The following UTP20 variants were observed in gnomAD, a reference collection of about 807,000 sequenced individuals.
UTP20 encodes UTP20 small subunit processome component.
Under a neutral mutation model 329.5 loss-of-function variants are expected in UTP20, and 164 were observed. The ratio of observed to expected loss-of-function variants is 0.50; its 90% CI spans 0.44 to 0.57. The LOEUF is 0.57. UTP20 is among the 20% of genes least tolerant of loss of function. The probability of loss-of-function intolerance (pLI) is 0.00; values close to 1 mark genes in which losing one functional copy is unlikely to be tolerated. For missense variants in UTP20, 3,055 were observed against 3,284.2 expected, an observed-to-expected ratio of 0.93 and a Z score of 1.71; for synonymous variants, 1,151 against 1,159.3, an observed-to-expected ratio of 0.99 and a Z score of 0.14.
chr12:101,364,461 A>G (rs1423368217), intron 45 of UTP20, among the ~76,000 whole-genome samples: 1 of 152,180 alleles, frequency 6.6e-6, no homozygotes, highest in African/African-American at 2.4e-5. Flanking sequence ...AAGAAAATTC[A>G]GGCTTGGAAA....
intron 21 of UTP20, among the ~76,000 whole-genome samples, chr12:101,316,691 GT>G (rs1165472905): frequency 6.6e-6 from 1 of 152,162 alleles, no homozygotes. Context: ...CATCCAATCA[GT>G]TTCCTAGCAT....
At chr12:101,337,664 C>G (rs933068226) in intron 29 of UTP20, among the ~76,000 whole-genome samples, 3 of 152,148 alleles carry the variant, frequency 2.0e-5, no homozygotes, top group African/African-American at 4.8e-5. Context: ...AAGCTTATAA[C>G]TGAAAAGTAG....
chr12:101,386,181 T>G lies in UTP20; in HGVS notation c.*58T>G. The stretch of plus-strand genomic sequence containing the variant: ...CTGGAATATTCTGCTAGTCTGAAAT[T>G]ACAGTAGGTTGTCTGGGGTAGGGGG... On this transcript the variant is annotated 3_prime_UTR_variant, in exon 62 of 62. Coordinates refer to ENST00000261637, the MANE Select transcript of UTP20 (RefSeq NM_014503.3). The G allele has an allele frequency of 6.6e-7, 1 of 1,522,596 alleles. No homozygotes were observed. Among genetic ancestry groups the G allele is most frequent in the South Asian group, 1.2e-5 (1 of 80,348 alleles). The allele number at this position is 1,522,596 out of a possible 1,614,324, so 94.3% of individuals were successfully genotyped here. A position where few individuals can be genotyped will look rare whatever the true frequency, so the allele number is the denominator to read the frequency against.
intron 57 of UTP20, among the ~76,000 whole-genome samples, chr12:101,380,765 A>G (rs373577396): frequency 1.9e-4 from 28 of 151,222 alleles, no homozygotes; most frequent in African/African-American, 6.1e-4. Context: ...TTGGGAGGCT[A>G]AGGCAGGAGA....
chr12:101,288,124 G>C (rs1872019348), intron 5 of UTP20, among the ~76,000 whole-genome samples: 1 of 152,182 alleles, frequency 6.6e-6, no homozygotes, highest in African/African-American at 2.4e-5. Flanking sequence ...GCACCTTTCT[G>C]ACTGAATTAG....
At chr12:101,352,930 T>A (rs1869584668) in intron 39 of UTP20, 117 bp from the exon 40 acceptor site, 1 of 491,060 alleles carries the variant, frequency 2.0e-6, no homozygotes, top group African/African-American at 2.0e-5. Context: ...TTGTTAAAAT[T>A]AAAAATACTA....
At chr12:101,284,701 TGA>T (rs1397161209) in intron 2 of UTP20, among the ~76,000 whole-genome samples, 1 of 152,112 alleles carries the variant, frequency 6.6e-6, no homozygotes, top group African/African-American at 2.4e-5. Context: ...ACAAAGTAAT[TGA>T]TACCATGTTA....
At chr12:101,331,913 C>T (rs924789735) in intron 27 of UTP20, among the ~76,000 whole-genome samples, 1 of 150,994 alleles carries the variant, frequency 6.6e-6, no homozygotes, top group South Asian at 2.1e-4. Context: ...ACATTCTGTG[C>T]TAGGGAAAAA....
At chr12:101,292,236 G>A (rs1872182672) in intron 10 of UTP20, 132 bp downstream of exon 10, 2 of 1,018,576 alleles carry the variant, frequency 2.0e-6, no homozygotes, top group Admixed American at 3.1e-5. Context: ...TAAGGAAATG[G>A]GAATTGCATG....
At position 101,321,174 on chromosome 12, in the gene UTP20, C is replaced by T. The variant is rs144927065; in HGVS notation, c.2915+237C>T. On this transcript the variant is annotated intron_variant, in intron 24 of 61. Coordinates refer to ENST00000261637, the MANE Select transcript of UTP20 (RefSeq NM_014503.3). ...GTGTTGTAAATATTATGTCATTTTC[C>T]TCTTCTTATTAATATAATGCCATAG... 2.3e-3 allele frequency among the ~76,000 whole-genome samples: 347 copies of T among 151,902 alleles called. 1 individual carries two copies. Among genetic ancestry groups the T allele is most frequent in the Non-Finnish European group, 4.0e-3 (272 of 67,924 alleles).
At chr12:101,309,240 C>CCTAAATAAT (rs1017616192) in intron 18 of UTP20, among the ~76,000 whole-genome samples, 4 of 152,264 alleles carry the variant, frequency 2.6e-5, no homozygotes, top group Non-Finnish European at 4.4e-5. Flanking sequence ...ACACCCCATC[C>CCTAAATAAT]CTAAATAATA....
At chr12:101,283,702 A>C (rs1422289960) in intron 2 of UTP20, among the ~76,000 whole-genome samples, 3 of 152,184 alleles carry the variant, frequency 2.0e-5, no homozygotes, top group Non-Finnish European at 4.4e-5. Flanking sequence ...ACAACAACAA[A>C]AAAATTTTAA....
intron 12 of UTP20, among the ~76,000 whole-genome samples, chr12:101,297,926 C>T (rs1872410946): frequency 6.6e-6 from 1 of 152,214 alleles, no homozygotes; most frequent in Non-Finnish European, 1.5e-5. Flanking sequence ...TCTTCCACTT[C>T]TGTGTTTCTT....
In UTP20 at chr12:101,299,687, A is replaced by T. The variant is rs201256747; in HGVS notation, c.1436A>T (p.Tyr479Phe). Residue 479 changes from tyrosine (Y) to phenylalanine (F), a missense_variant, in exon 13 of 62, where the codon TAT becomes TTT. Physicochemically the swap from Tyr to Phe is conservative, Grantham distance 22 (BLOSUM62 3). Coordinates refer to ENST00000261637, the MANE Select transcript of UTP20 (RefSeq NM_014503.3). ...CATTTTTTTTAATCCTTCAGATTCT[A>T]TATAAAGCAGAAGAAGACTAGATCC... is the stretch of plus-strand genomic sequence containing the variant. ...LVFSPQMVGF[Y>F]IKQKKTRSKG... The T allele has an allele frequency of 6.3e-7, 1 of 1,585,888 alleles. No individual in the cohort carries two copies. Among genetic ancestry groups the T allele is most frequent in the African/African-American group, 1.4e-5 (1 of 73,314 alleles).
intron 56 of UTP20, 142 bp from the exon 57 acceptor site, chr12:101,379,229 A>G: frequency 1.5e-6 from 1 of 646,486 alleles, no homozygotes; most frequent in Non-Finnish European, 2.5e-6. Flanking sequence ...CCCTGCCCCC[A>G]CTTCCCAGCC....
rs758061528 is a variant in UTP20 at position 101,352,214 on chromosome 12, T to G, written c.5024+20T>G. 1 of 1,591,618 alleles carries G rather than the reference T, an allele frequency of 6.3e-7. No individual in the cohort carries two copies. ...TGTCAGGTGTGGTCAAACTTCTTATTTTTGTTTTGTTTTTTAAATGTAATT... is the reference window on the plus strand; with the variant it reads ...TGTCAGGTGTGGTCAAACTTCTTATGTTTGTTTTGTTTTTTAAATGTAATT... On this transcript the variant is annotated intron_variant, in intron 39 of 61. Transcript: ENST00000261637.
At chr12:101,296,783 A>T (rs1027213948) in intron 12 of UTP20, among the ~76,000 whole-genome samples, 1 of 152,078 alleles carries the variant, frequency 6.6e-6, no homozygotes, top group African/African-American at 2.4e-5. Flanking sequence ...AATAAAAATT[A>T]TATACCTTTG....
intron 8 of UTP20, 57 bp downstream of exon 8, chr12:101,290,945 T>A (rs754951979): frequency 6.5e-7 from 1 of 1,550,248 alleles, no homozygotes; most frequent in Non-Finnish European, 8.7e-7. Context: ...ATTTACTGTT[T>A]CTGCTCTCAG....
chr12:101,356,759 T>G, intron 42 of UTP20, 66 bp downstream of exon 42: 4 of 1,551,468 alleles, frequency 2.6e-6, no homozygotes, highest in Non-Finnish European at 3.5e-6. Context: ...TCCTTACTTT[T>G]GAGTCTCTTT....
Sources: allele counts gnomAD v4.1 joint callset (sites outside exome capture counted in the v4.1 genomes callset), GRCh38; gene constraint gnomAD v4.1.1; transcripts MANE v1.5; gene names NCBI Gene and HGNC (gene_info 2026-07-23, HGNC 2026-07-21).